Variants in RNF157 observed in about 807,000 individuals in gnomAD.
RNF157 encodes the protein E3 ubiquitin ligase RNF157.
Under a neutral mutation model 88.3 loss-of-function variants are expected in RNF157, and 55 were observed. The observed-to-expected ratio is 0.62, with a 90% CI of 0.50 to 0.78. RNF157 has a LOEUF of 0.78. RNF157 is among the 30% of genes least tolerant of loss of function. The probability of loss-of-function intolerance (pLI) is 0.00; values close to 1 mark genes in which losing one functional copy is unlikely to be tolerated. For synonymous variants in RNF157, 334 were observed against 341.2 expected (o/e 0.98, Z 0.23); for missense variants, 788 against 860.8 (o/e 0.92, Z 1.06).
In RNF157 at chr17:76,195,941, AC is replaced by A. The variant is rs1232839880; in HGVS notation, c.207+16422del. On this transcript the variant is annotated intron_variant, in intron 2 of 18. Transcript: ENST00000269391. The surrounding 1 kb of genome is among the most constrained non-coding windows in gnomAD (Gnocchi z 4.4). ...ATTGCCACGGCAACACCTGGAAGTT[AC>A]CACCCTCTTTCATGGCAATGACCCA... Among the ~76,000 whole-genome samples the A allele has an allele frequency of 6.6e-6, 1 of 152,202 alleles. No individual in the cohort carries two copies. The highest frequency in any genetic ancestry group is 2.4e-5 in the African/African-American group (1 of 41,444).
chr17:76,236,473 T>C (rs1470453189), intron 1 of RNF157, among the ~76,000 whole-genome samples: 3 of 152,180 alleles, frequency 2.0e-5, no homozygotes, highest in Non-Finnish European at 4.4e-5. Context: ...GATGCAAAGA[T>C]CTTAGAGAAG....
At chr17:76,154,137 C>T in intron 17 of RNF157, 146 bp downstream of exon 17, 1 of 693,172 alleles carries the variant, frequency 1.4e-6, no homozygotes, top group Middle Eastern at 4.2e-4. Flanking sequence ...CTTTGATGTA[C>T]CATTAAGAAG....
chr17:76,238,241 G>A (rs1356772940), intron 1 of RNF157, among the ~76,000 whole-genome samples: 1 of 152,206 alleles, frequency 6.6e-6, no homozygotes, highest in Non-Finnish European at 1.5e-5. Context: ...GAGCATATAT[G>A]CAAGCTCACA....
At chr17:76,208,973 C>CAAA (rs10699377) in intron 2 of RNF157, among the ~76,000 whole-genome samples, 11 of 120,080 alleles carry the variant, frequency 9.2e-5, no homozygotes, top group African/African-American at 2.9e-4. Flanking sequence ...GACTCTGCCT[C>CAAA]AAAAAAAAAA....
chr17:76,238,213 A>G (rs2070315050), intron 1 of RNF157, among the ~76,000 whole-genome samples: 1 of 152,242 alleles, frequency 6.6e-6, no homozygotes. Flanking sequence ...ATCAGAAGAA[A>G]GGCGATGCCT....
Position 76,155,798 on chromosome 17 carries a change from G to A in RNF157, c.1526-64C>T. 4.4e-6 allele frequency: 6 copies of A among 1,360,442 alleles called. No individual in the cohort carries two copies. In the South Asian group the frequency reaches 7.6e-5, roughly 17 times the overall value. 84.3% of individuals were successfully genotyped at this position (1,360,442 alleles called of 1,614,324 possible). Reference sequence around the variant, plus strand: ...AGGCAGGGCTTCTGCAAGCTTTCTGGGGAGCAGAGCCCTCTCCCTGCATTC... The same window carrying A: ...AGGCAGGGCTTCTGCAAGCTTTCTGAGGAGCAGAGCCCTCTCCCTGCATTC... On this transcript the variant is annotated intron_variant, in intron 14 of 18. Transcript: ENST00000269391.
chr17:76,172,406 A>G (rs2069028558), intron 3 of RNF157, among the ~76,000 whole-genome samples: 1 of 152,060 alleles, frequency 6.6e-6, no homozygotes, highest in Non-Finnish European at 1.5e-5. Context: ...AGCCTGACCA[A>G]CATGGAGAAA....
intron 2 of RNF157, among the ~76,000 whole-genome samples, chr17:76,178,299 G>A (rs1281572874): frequency 6.6e-6 from 1 of 152,216 alleles, no homozygotes; most frequent in Admixed American, 6.5e-5. Context: ...CACATTCCCT[G>A]GTGCCAACCG....
At chr17:76,237,351 G>A (rs943413038) in intron 1 of RNF157, among the ~76,000 whole-genome samples, 1 of 152,202 alleles carries the variant, frequency 6.6e-6, no homozygotes. Flanking sequence ...AGGTCTAGCC[G>A]CTTTCCAGCG....
chr17:76,231,462 A>G (rs745713250), intron 1 of RNF157, among the ~76,000 whole-genome samples: 63 of 152,102 alleles, frequency 4.1e-4, no homozygotes, highest in Non-Finnish European at 7.9e-4. Context: ...ATGCCTGGCT[A>G]ATTTTTAAAA....
chr17:76,200,929 T>C (rs2069565499), intron 2 of RNF157, among the ~76,000 whole-genome samples: 1 of 152,024 alleles, frequency 6.6e-6, no homozygotes, highest in Non-Finnish European at 1.5e-5. Flanking sequence ...TACTCTGGTT[T>C]TCTGTCTTTC....
intron 2 of RNF157, among the ~76,000 whole-genome samples, chr17:76,202,458 T>C (rs1016584045): frequency 1.3e-5 from 2 of 152,164 alleles, no homozygotes; most frequent in Non-Finnish European, 2.9e-5. Context: ...TCACACATGG[T>C]CCAAGAACAC....
intron 1 of RNF157, among the ~76,000 whole-genome samples, chr17:76,227,706 T>C (rs892163455): frequency 1.3e-5 from 2 of 151,772 alleles, no homozygotes; most frequent in African/African-American, 4.8e-5. Context: ...GGAGAAACCC[T>C]GTCTCTACCA....
chr17:76,167,177 G>A, intron 4 of RNF157, 51 bp from the exon 5 acceptor site: 2 of 1,333,828 alleles, frequency 1.5e-6, no homozygotes, highest in Non-Finnish European at 2.1e-6. Flanking sequence ...GGCACAGATG[G>A]GTCTGACAAC....
chr17:76,185,630 C>T (rs1345002843), intron 2 of RNF157, among the ~76,000 whole-genome samples: 3 of 151,794 alleles, frequency 2.0e-5, no homozygotes, highest in South Asian at 2.1e-4. Context: ...CTACCACGCC[C>T]GGCTAATTTT....
At chr17:76,162,657 T>C in intron 8 of RNF157, 34 bp from the exon 9 acceptor site, 3 of 1,520,586 alleles carry the variant, frequency 2.0e-6, no homozygotes, top group Non-Finnish European at 2.7e-6. Context: ...AAGGACAGGC[T>C]GTCTCTACTG....
chr17:76,156,858 C>T (rs911136674), intron 13 of RNF157, among the ~76,000 whole-genome samples: 3 of 152,198 alleles, frequency 2.0e-5, no homozygotes, highest in African/African-American at 7.2e-5. Context: ...ACAGCCTCAC[C>T]CGTCCAAGAT....
chr17:76,166,853 A>C (rs2068933688), intron 5 of RNF157, among the ~76,000 whole-genome samples, 156 bp downstream of exon 5: 1 of 152,142 alleles, frequency 6.6e-6, no homozygotes, highest in African/African-American at 2.4e-5. Context: ...GATGCAAAAT[A>C]AGCAGAGCTT....
In RNF157 at chr17:76,232,332, G is replaced by A. The variant is rs188966112; in HGVS notation, c.88+7821C>T. Among the ~76,000 whole-genome samples the A allele has an allele frequency of 1.2e-3, 181 of 152,026 alleles. 1 individual carries two copies. Among genetic ancestry groups the A allele is most frequent in the African/African-American group, 4.2e-3 (174 of 41,470 alleles). On this transcript the variant is annotated intron_variant, in intron 1 of 18. Coordinates refer to ENST00000269391, the MANE Select transcript of RNF157 (RefSeq NM_052916.3). ...GAGCCCAGTAGGTCGACGCTGCAGG[G>A]AGCTATGATCGCACCACTGCACTCC...
Sources: allele counts gnomAD v4.1 joint callset (sites outside exome capture counted in the v4.1 genomes callset), GRCh38; gene constraint gnomAD v4.1.1; non-coding constraint Gnocchi (gnomAD v3.1); transcripts MANE v1.5; gene names NCBI Gene and HGNC (gene_info 2026-07-23, HGNC 2026-07-21).